MEGF9: variants seen among roughly 807,000 people sequenced by gnomAD.
The protein encoded by MEGF9 is multiple epidermal growth factor-like domains protein 9.
Under a neutral mutation model 46.8 loss-of-function variants are expected in MEGF9, and 6 were observed. The ratio of observed to expected loss-of-function variants is 0.13; its 90% CI spans 0.07 to 0.25. The LOEUF (loss-of-function observed/expected upper bound fraction) is 0.25. Among genes scored for constraint, MEGF9 ranks in the 10% least tolerant of loss-of-function variants. The pLI is 1.00. For synonymous variants in MEGF9, 302 were observed against 330.7 expected (o/e 0.91, Z 0.94); for missense variants, 683 against 792.4 (o/e 0.86, Z 1.66).
intron 1 of MEGF9, chr9:120,689,856 T>G (rs1303333494): frequency 6.3e-6 from 3 of 479,368 alleles, no homozygotes; most frequent in Non-Finnish European, 1.3e-5. Context: ...AGACAGCACC[T>G]TTACTTGCAC....
intron 1 of MEGF9, among the ~76,000 whole-genome samples, chr9:120,669,830 A>G (rs2043740700): frequency 6.6e-6 from 1 of 152,194 alleles, no homozygotes; most frequent in African/African-American, 2.4e-5. Flanking sequence ...AAAATGTAGA[A>G]AATGCTCTCA....
chr9:120,706,353 T>C (rs955101392), intron 1 of MEGF9, among the ~76,000 whole-genome samples: 2 of 152,094 alleles, frequency 1.3e-5, no homozygotes, highest in Admixed American at 6.5e-5. Context: ...CAGAAACTAA[T>C]CAGACTAAGG....
chr9:120,699,328 G>A (rs891914475), intron 1 of MEGF9, among the ~76,000 whole-genome samples: 21 of 152,046 alleles, frequency 1.4e-4, no homozygotes, highest in Non-Finnish European at 1.6e-4. Context: ...AACTCAATCA[G>A]TGATTTTAAA....
intron 1 of MEGF9, among the ~76,000 whole-genome samples, chr9:120,665,439 G>A (rs546980632): frequency 7.9e-5 from 12 of 152,162 alleles, no homozygotes; most frequent in African/African-American, 1.9e-4. Flanking sequence ...TCCTGACCTC[G>A]TAATCCGCCT....
chr9:120,649,790 T>C (rs2043641739), intron 2 of MEGF9, among the ~76,000 whole-genome samples: 2 of 152,204 alleles, frequency 1.3e-5, no homozygotes, highest in South Asian at 4.1e-4. Context: ...AAAATTGGTT[T>C]TGTTGTACCT....
At chr9:120,607,223 A>G (rs940780992) in intron 5 of MEGF9, among the ~76,000 whole-genome samples, 2 of 152,204 alleles carry the variant, frequency 1.3e-5, no homozygotes, top group African/African-American at 4.8e-5. Flanking sequence ...GAGCTTTCCT[A>G]TAAGAAATAT....
chr9:120,656,083 C>T (rs563888602), intron 2 of MEGF9, among the ~76,000 whole-genome samples: 2 of 152,128 alleles, frequency 1.3e-5, no homozygotes, highest in Admixed American at 6.6e-5. Context: ...AGGAAAAACA[C>T]GAACTGTGAA....
intron 1 of MEGF9, among the ~76,000 whole-genome samples, chr9:120,710,992 C>T (rs1159026852): frequency 6.6e-6 from 1 of 152,188 alleles, no homozygotes; most frequent in Non-Finnish European, 1.5e-5. Context: ...AAGATTTTTT[C>T]ACCCAAAGAC....
rs1398111165 is a variant in MEGF9, at chr9:120,713,926, G to C, written c.433C>G (p.Pro145Ala). 2 of 1,360,058 alleles carry C rather than the reference G, an allele frequency of 1.5e-6. No homozygotes were observed. Among genetic ancestry groups the C allele is most frequent in the Non-Finnish European group, 1.9e-6 (2 of 1,051,520 alleles). 84.2% of individuals were successfully genotyped at this position (1,360,058 alleles called of 1,614,324 possible). Residue 145 changes from proline to alanine, a missense_variant, in exon 1 of 6, where the codon CCG (proline) becomes GCG (alanine). Transcript: ENST00000373930. Reference sequence around the variant, plus strand: ...CCAGTGGTCGTCGAAAGGGTGGTCGGCGCGGGTCTGGTCGGCGCCTGAGAG... The same window carrying C: ...CCAGTGGTCGTCGAAAGGGTGGTCGCCGCGGGTCTGGTCGGCGCCTGAGAG... ...TTSQAPTRPA[P>A]TTLSTTTGPA...
At position 120,626,999 on chromosome 9, in the gene MEGF9, T is replaced by A. The variant is rs1476921151; in HGVS notation, c.804-4244A>T. Among the ~76,000 whole-genome samples the A allele has an allele frequency of 2.0e-5, 3 of 152,222 alleles. No homozygotes were observed. In the East Asian group the frequency reaches 5.8e-4, roughly 29 times the overall value. On this transcript the variant is annotated intron_variant, in intron 2 of 5. Coordinates refer to ENST00000373930, the MANE Select transcript of MEGF9 (RefSeq NM_001080497.3). ...AGGAAAGTAGGTTAGAATTCCCAGTTGGCAAAGACAGGGAAGACTAAGTTA... is the reference window on the plus strand; with the variant it reads ...AGGAAAGTAGGTTAGAATTCCCAGTAGGCAAAGACAGGGAAGACTAAGTTA...
chr9:120,617,164 T>C (rs751980896), intron 3 of MEGF9, among the ~76,000 whole-genome samples: 5 of 152,212 alleles, frequency 3.3e-5, no homozygotes, highest in Non-Finnish European at 5.9e-5. Context: ...TTCCTGAAGA[T>C]GATTTTTTCA....
intron 1 of MEGF9, among the ~76,000 whole-genome samples, chr9:120,671,181 T>G (rs1229179778): frequency 2.0e-5 from 3 of 152,210 alleles, no homozygotes; most frequent in African/African-American, 7.2e-5. Flanking sequence ...CATGAGCATT[T>G]ACTGAGGATT....
intron 1 of MEGF9, among the ~76,000 whole-genome samples, chr9:120,668,117 T>G (rs866650850): frequency 6.6e-6 from 1 of 152,244 alleles, no homozygotes; most frequent in African/African-American, 2.4e-5. Context: ...CAAAATGTAC[T>G]TTTTATTGGA....
chr9:120,645,711 A>G (rs910370973), intron 2 of MEGF9, among the ~76,000 whole-genome samples: 1 of 152,246 alleles, frequency 6.6e-6, no homozygotes, highest in Non-Finnish European at 1.5e-5. Context: ...TGTCAATTAT[A>G]TAAGCTTTCA....
intron 2 of MEGF9, among the ~76,000 whole-genome samples, chr9:120,627,188 G>A (rs929446281): frequency 6.6e-6 from 1 of 152,086 alleles, no homozygotes; most frequent in Admixed American, 6.6e-5. Flanking sequence ...AGTTTTGGGG[G>A]AAAAAATTTT....
chr9:120,675,550 G>A lies in MEGF9; in HGVS notation c.602-15975C>T, dbSNP rs180770218. On this transcript the variant is annotated intron_variant, in intron 1 of 5. Transcript: ENST00000373930. ...CAAGGTTGCAGTGAGTTGTGATCAT[G>A]CCACTGTACTCCAGCCTGGGCAACA... is the stretch of plus-strand genomic sequence containing the variant. Among the ~76,000 whole-genome samples, 523 of 152,156 alleles carry A rather than the reference G, an allele frequency of 3.4e-3. 6 individuals are homozygous for A. The highest frequency in any genetic ancestry group is 0.012 in the African/African-American group (500 of 41,518).
At chr9:120,688,775 T>C (rs1414663094) in intron 1 of MEGF9, among the ~76,000 whole-genome samples, 1 of 152,196 alleles carries the variant, frequency 6.6e-6, no homozygotes, top group Non-Finnish European at 1.5e-5. Context: ...ATTTTACATG[T>C]TCTTTACACG....
chr9:120,621,937 T>C (rs914314472), intron 3 of MEGF9, among the ~76,000 whole-genome samples: 1 of 152,206 alleles, frequency 6.6e-6, no homozygotes, highest in Non-Finnish European at 1.5e-5. Flanking sequence ...TAAAAGACTG[T>C]GAGAGATTTG....
At chr9:120,622,468 G>C (rs1396325945) in intron 3 of MEGF9, 148 bp downstream of exon 3, 1 of 318,144 alleles carries the variant, frequency 3.1e-6, no homozygotes, top group African/African-American at 2.5e-5. Flanking sequence ...GTTGTAGCAG[G>C]AGTTTGGCTT....
Sources: gnomAD v4.1 joint callset for allele counts (sites outside exome capture counted in the v4.1 genomes callset) on GRCh38, gnomAD v4.1.1 for gene constraint, MANE v1.5 for transcripts, NCBI Gene and HGNC (gene_info 2026-07-23, HGNC 2026-07-21) for gene names.